Variants in ANKRD6 observed in about 807,000 individuals in gnomAD.
ANKRD6 encodes the protein ankyrin repeat domain 6, also known as ankyrin repeat domain-containing protein 6.
In ANKRD6, 56 loss-of-function variants were observed where a neutral mutation model predicts 82.3. The observed-to-expected ratio is 0.68, with a 90% CI of 0.55 to 0.85. The LOEUF (loss-of-function observed/expected upper bound fraction) is 0.85. ANKRD6 is among the 40% of genes least tolerant of loss of function. The pLI, the probability that ANKRD6 is intolerant of heterozygous loss-of-function variation, is 0.00. For missense variants in ANKRD6, 852 were observed against 907.6 expected (o/e 0.94, Z 0.79); for synonymous variants, 347 against 352.1 (o/e 0.99, Z 0.16).
intron 13 of ANKRD6, among the ~76,000 whole-genome samples, 153 bp from the exon 14 acceptor site, chr6:89,627,430 A>G (rs2128277196): frequency 6.6e-6 from 1 of 152,366 alleles, no homozygotes; most frequent in South Asian, 2.1e-4. Flanking sequence ...AAAGAGTTCC[A>G]TGAGTCCTAC....
In ANKRD6 at chr6:89,433,574, C is replaced by T. The variant is rs1380739062; in HGVS notation, c.-144+199C>T. 2.6e-5 allele frequency among the ~76,000 whole-genome samples: 4 copies of T among 152,110 alleles called. No individual in the cohort carries two copies. Among genetic ancestry groups the T allele is most frequent in the Admixed American group, 6.5e-5 (1 of 15,286 alleles). On this transcript the variant is annotated intron_variant, in intron 1 of 15. Transcript: ENST00000339746. The surrounding 1 kb of genome is among the most constrained non-coding windows in gnomAD (Gnocchi z 4.3). Reference sequence around the variant, plus strand: ...CCGAAAACGCCCGGCGCGAGGGGGTCCCCCCGGGGCGCCTCCCTCTTCGCC... The same window carrying T: ...CCGAAAACGCCCGGCGCGAGGGGGTTCCCCCGGGGCGCCTCCCTCTTCGCC...
At chr6:89,531,166 G>C (rs1018974938) in intron 1 of ANKRD6, among the ~76,000 whole-genome samples, 1 of 152,224 alleles carries the variant, frequency 6.6e-6, no homozygotes, top group South Asian at 2.1e-4. Flanking sequence ...CTGCCAGTGC[G>C]CGGAAGGTGC....
intron 1 of ANKRD6, among the ~76,000 whole-genome samples, chr6:89,531,244 T>C (rs1783107919): frequency 6.6e-6 from 1 of 152,220 alleles, no homozygotes; most frequent in Admixed American, 6.5e-5. Context: ...TTCACAGTTA[T>C]GTCGCTGTTA....
intron 1 of ANKRD6, among the ~76,000 whole-genome samples, chr6:89,546,603 A>G (rs1053754774): frequency 1.3e-5 from 2 of 152,126 alleles, no homozygotes; most frequent in Non-Finnish European, 1.5e-5. Flanking sequence ...AGCTGGGGCC[A>G]TAGCCGTGCG....
At chr6:89,497,437 C>G (rs760026120) in intron 1 of ANKRD6, among the ~76,000 whole-genome samples, 8 of 152,162 alleles carry the variant, frequency 5.3e-5, no homozygotes, top group African/African-American at 9.7e-5. Flanking sequence ...AAACAGACCT[C>G]TGTTTCCTTT....
At position 89,532,526 on chromosome 6, in the gene ANKRD6, G is replaced by A. The variant is rs147968845; in HGVS notation, c.-143-34308G>A. Among the ~76,000 whole-genome samples the A allele has an allele frequency of 1.2e-4, 19 of 152,078 alleles. No individual in the cohort carries two copies. In the East Asian group the frequency reaches 3.1e-3, roughly 25 times the overall value. ...AGCACACTACACTTTCCTTGATAAC[G>A]CATATCACAATTAGAGTTCCTTGTT... On this transcript the variant is annotated intron_variant, in intron 1 of 15. Transcript: ENST00000339746.
intron 2 of ANKRD6, among the ~76,000 whole-genome samples, chr6:89,567,763 C>T (rs543653135): frequency 6.6e-6 from 1 of 152,300 alleles, no homozygotes; most frequent in African/African-American, 2.4e-5. Context: ...TTGCTGTAAG[C>T]ACTTTACAGC....
intron 1 of ANKRD6, among the ~76,000 whole-genome samples, chr6:89,530,852 C>T (rs755598620): frequency 6.6e-6 from 1 of 152,138 alleles, no homozygotes; most frequent in Non-Finnish European, 1.5e-5. Flanking sequence ...TTGTCTCAGT[C>T]CTCTAGTCTT....
chr6:89,511,146 C>G (rs1037040015), intron 1 of ANKRD6, among the ~76,000 whole-genome samples: 1 of 152,180 alleles, frequency 6.6e-6, no homozygotes, highest in South Asian at 2.1e-4. Flanking sequence ...TACGAGTGGG[C>G]CCACCACAGC....
intron 1 of ANKRD6, among the ~76,000 whole-genome samples, chr6:89,513,364 C>T (rs1780791705): frequency 6.6e-6 from 1 of 152,174 alleles, no homozygotes; most frequent in African/African-American, 2.4e-5. Context: ...TCCAGTATCC[C>T]CCCTCCCAAT....
rs146207439 is a variant in ANKRD6, at chr6:89,503,032, G to T, written c.-143-63802G>T. Among the ~76,000 whole-genome samples, 860 of 152,210 alleles carry T rather than the reference G, an allele frequency of 5.7e-3. 9 individuals carry two copies. The highest frequency in any genetic ancestry group is 0.019 in the African/African-American group (778 of 41,528). On this transcript the variant is annotated intron_variant, in intron 1 of 15. Transcript: ENST00000339746. ...CCCCTTCCAATGTCTCTTTCATCCT[G>T]CAGGCAGCAGGGTTCTTGGCTTGGA...
intron 1 of ANKRD6, among the ~76,000 whole-genome samples, chr6:89,469,772 C>G (rs1011128627): frequency 1.3e-5 from 2 of 152,160 alleles, no homozygotes; most frequent in Non-Finnish European, 2.9e-5. Flanking sequence ...AGGGTAGGAA[C>G]CAACTCATCC....
intron 1 of ANKRD6, among the ~76,000 whole-genome samples, chr6:89,473,696 T>C (rs72924984): frequency 0.15 from 23,022 of 152,116 alleles, 2,047 homozygotes; most frequent in South Asian, 0.34. Context: ...TGTCAACTTG[T>C]AGCTAGGTGT....
intron 1 of ANKRD6, among the ~76,000 whole-genome samples, chr6:89,552,262 G>T (rs1785958397): frequency 6.6e-6 from 1 of 152,206 alleles, no homozygotes; most frequent in Admixed American, 6.5e-5. Flanking sequence ...TTCCTTAGGG[G>T]TCAGAGTCCA....
intron 4 of ANKRD6, among the ~76,000 whole-genome samples, chr6:89,603,652 C>T (rs920500447): frequency 1.3e-5 from 2 of 152,046 alleles, no homozygotes. Context: ...GATAAGTGAG[C>T]AAGTTAATTT....
At position 89,633,053 on chromosome 6, in the gene ANKRD6, T is replaced by G. The variant is rs1190662513; in HGVS notation, c.*2049T>G. 5 of 152,320 alleles carry G rather than the reference T, an allele frequency of 3.3e-5. No individual in the cohort carries two copies. Among genetic ancestry groups the G allele is most frequent in the Admixed American group, 3.3e-4 (5 of 15,300 alleles). 9.4% of individuals were successfully genotyped at this position (152,320 alleles called of 1,614,324 possible). A position where few individuals can be genotyped will look rare whatever the true frequency, so the allele number is the denominator to read the frequency against. On this transcript the variant is annotated 3_prime_UTR_variant, in exon 16 of 16. Transcript: ENST00000339746. ...GAGTGCTTTGGTGGGAGTATTTTGA[T>G]TACCTCCTACCCATCAGAAGCAGGC...
chr6:89,566,332 T>C lies in ANKRD6; in HGVS notation c.-143-502T>C, dbSNP rs148472190. On this transcript the variant is annotated intron_variant, in intron 1 of 15. Transcript: ENST00000339746. ...GTTGAAGGGAGAGAACTGCAGTAAA[T>C]GCTAGGAGAAAACCCCAAAGAGAGA... Among the ~76,000 whole-genome samples the C allele has an allele frequency of 6.8e-3, 1,029 of 152,276 alleles. 12 individuals are homozygous for C. The highest frequency in any genetic ancestry group is 0.024 in the African/African-American group (981 of 41,558).
rs116452945 is a variant in ANKRD6 at position 89,572,174 on chromosome 6, A to G, written c.120+5078A>G. ...ACTACAGTTTTGGAAGCATTCACCT[A>G]CTGAAGGACATCTTGGTTGCTTCCC... is the stretch of plus-strand genomic sequence containing the variant. On this transcript the variant is annotated intron_variant, in intron 2 of 15. Transcript: ENST00000339746. Among the ~76,000 whole-genome samples, 1,478 of 152,334 alleles carry G rather than the reference A, an allele frequency of 9.7e-3. 26 individuals carry two copies. Among genetic ancestry groups the G allele is most frequent in the African/African-American group, 0.033 (1,370 of 41,564 alleles).
chr6:89,448,768 C>T (rs1772411389), intron 1 of ANKRD6, among the ~76,000 whole-genome samples: 1 of 152,256 alleles, frequency 6.6e-6, no homozygotes, highest in Admixed American at 6.5e-5. Context: ...CGGTGGCTCA[C>T]GCCTGTAATC....
Sources: allele counts gnomAD v4.1 joint callset (sites outside exome capture counted in the v4.1 genomes callset), GRCh38; gene constraint gnomAD v4.1.1; non-coding constraint Gnocchi (gnomAD v3.1); transcripts MANE v1.5; gene names NCBI Gene and HGNC (gene_info 2026-07-23, HGNC 2026-07-21).